Variants in CSMD1 observed in about 807,000 individuals in gnomAD.
The protein encoded by CSMD1 is CUB and Sushi multiple domains 1, also known as CUB and sushi domain-containing protein 1.
A neutral mutation model predicts 417.5 loss-of-function variants in CSMD1; 213 were observed. The observed-to-expected ratio is 0.51, with a 90% CI of 0.46 to 0.57. The LOEUF is 0.57. Ranked by LOEUF, CSMD1 falls within the 20% of genes least tolerant of loss-of-function variation. CSMD1 has a pLI of 0.00. For missense variants in CSMD1, 6,923 were observed against 4,529.7 expected, an observed-to-expected ratio of 1.53 and a Z score of -15.17; for synonymous variants, 2,862 against 1,736.8, an observed-to-expected ratio of 1.65 and a Z score of -16.11.
At chr8:4,470,105 C>T (rs1330421895) in intron 2 of CSMD1, among the ~76,000 whole-genome samples, 2 of 151,928 alleles carry the variant, frequency 1.3e-5, no homozygotes, top group Admixed American at 6.6e-5. Context: ...CTCCTGATCT[C>T]GTGATCCGCC....
chr8:4,724,117 G>A (rs552174858), intron 1 of CSMD1, among the ~76,000 whole-genome samples: 1 of 152,190 alleles, frequency 6.6e-6, no homozygotes, highest in South Asian at 2.1e-4. Flanking sequence ...TCATTTTCCT[G>A]TAAGACAACT....
chr8:3,146,542 G>C (rs971227091), intron 40 of CSMD1, among the ~76,000 whole-genome samples: 1 of 152,112 alleles, frequency 6.6e-6, no homozygotes, highest in Non-Finnish European at 1.5e-5. Context: ...TGCAATCATT[G>C]GTAGGACTAA....
chr8:3,531,491 T>A (rs184448495), intron 10 of CSMD1, among the ~76,000 whole-genome samples: 1 of 152,110 alleles, frequency 6.6e-6, no homozygotes, highest in Non-Finnish European at 1.5e-5. Flanking sequence ...TGTGAGATTA[T>A]TGAAATGCCC....
chr8:4,545,333 A>G (rs1156726416), intron 2 of CSMD1, among the ~76,000 whole-genome samples: 2 of 152,236 alleles, frequency 1.3e-5, no homozygotes, highest in African/African-American at 2.4e-5. Context: ...AAAGCCCTTC[A>G]TAAATATTTA....
At chr8:3,286,818 T>C (rs1254055706) in intron 25 of CSMD1, among the ~76,000 whole-genome samples, 1 of 152,200 alleles carries the variant, frequency 6.6e-6, no homozygotes, top group African/African-American at 2.4e-5. Flanking sequence ...GCAGAAGCTC[T>C]TTAGTTTATT....
At chr8:3,618,579 A>C (rs1464846887) in intron 7 of CSMD1, among the ~76,000 whole-genome samples, 1 of 152,156 alleles carries the variant, frequency 6.6e-6, no homozygotes, top group Admixed American at 6.6e-5. Flanking sequence ...TTATATCAAA[A>C]TAATCCAGCA....
At chr8:3,770,394 T>A (rs767928070) in intron 5 of CSMD1, among the ~76,000 whole-genome samples, 1 of 152,074 alleles carries the variant, frequency 6.6e-6, no homozygotes, top group Non-Finnish European at 1.5e-5. Flanking sequence ...CCAGGCACGG[T>A]GGTGCGTGCC....
At chr8:4,859,592 G>T (rs1335915911) in intron 1 of CSMD1, among the ~76,000 whole-genome samples, 1 of 152,018 alleles carries the variant, frequency 6.6e-6, no homozygotes, top group Non-Finnish European at 1.5e-5. Flanking sequence ...ATCAAAAAGT[G>T]GGCGAAGGAC....
chr8:3,128,404 ATC>A (rs1817621816), intron 41 of CSMD1: 1 of 155,120 alleles, frequency 6.4e-6, no homozygotes, highest in South Asian at 2.0e-4. Context: ...CTATAGTAAC[ATC>A]TCTGACCTTT....
intron 3 of CSMD1, among the ~76,000 whole-genome samples, chr8:4,067,735 G>C (rs570505043): frequency 1.3e-5 from 2 of 152,110 alleles, no homozygotes; most frequent in South Asian, 4.1e-4. Context: ...ATAAAGGAAC[G>C]TGTTATTCTT....
At chr8:4,310,375 T>C (rs1188755427) in intron 3 of CSMD1, among the ~76,000 whole-genome samples, 1 of 152,174 alleles carries the variant, frequency 6.6e-6, no homozygotes, top group East Asian at 1.9e-4. Context: ...ACAGACAGTG[T>C]TTCTCACAGC....
intron 1 of CSMD1, among the ~76,000 whole-genome samples, chr8:4,739,164 T>A (rs547412059): frequency 6.6e-6 from 1 of 152,198 alleles, no homozygotes; most frequent in South Asian, 2.1e-4. Context: ...TACTTCCTAA[T>A]AGCTCATTTT....
chr8:4,514,910 T>G (rs909970502), intron 2 of CSMD1, among the ~76,000 whole-genome samples: 3 of 152,010 alleles, frequency 2.0e-5, no homozygotes, highest in Non-Finnish European at 2.9e-5. Flanking sequence ...GAGAACAGAG[T>G]AAGCAATATG....
chr8:4,818,140 G>A (rs1446654254), intron 1 of CSMD1, among the ~76,000 whole-genome samples: 1 of 152,086 alleles, frequency 6.6e-6, no homozygotes, highest in Non-Finnish European at 1.5e-5. Flanking sequence ...TCGTAAAATT[G>A]CATAATTTAT....
chr8:4,885,360 T>C (rs1351814724), intron 1 of CSMD1, among the ~76,000 whole-genome samples: 6 of 152,108 alleles, frequency 3.9e-5, no homozygotes, highest in Admixed American at 2.0e-4. Context: ...CTAAAACCTC[T>C]AGCACAATGT....
rs112065683 is a variant in CSMD1 at position 3,669,483 on chromosome 8, A to G, written c.1009+38931T>C. On this transcript the variant is annotated intron_variant, in intron 7 of 69. Transcript: ENST00000635120. ...ATTCATTCAACATCAGTAATTAGAT[A>G]TCCTCTACTAAATATTGAGAATACA... Among the ~76,000 whole-genome samples, 191 of 152,284 alleles carry G rather than the reference A, an allele frequency of 1.3e-3. 2 individuals are homozygous for G. Among genetic ancestry groups the G allele is most frequent in the African/African-American group, 4.4e-3 (183 of 41,560 alleles).
At chr8:3,975,577 A>G (rs1253912886) in intron 5 of CSMD1, among the ~76,000 whole-genome samples, 1 of 152,142 alleles carries the variant, frequency 6.6e-6, no homozygotes, top group African/African-American at 2.4e-5. Context: ...TTTATCAGAG[A>G]GAAGCTGGGC....
At chr8:3,622,739 C>T (rs1160661935) in intron 7 of CSMD1, among the ~76,000 whole-genome samples, 1 of 152,040 alleles carries the variant, frequency 6.6e-6, no homozygotes, top group Non-Finnish European at 1.5e-5. Context: ...AAAAAGTATG[C>T]TGACACACTG....
chr8:3,207,017 C>G (rs1413993218), intron 30 of CSMD1, among the ~76,000 whole-genome samples: 2 of 152,124 alleles, frequency 1.3e-5, no homozygotes, highest in Non-Finnish European at 2.9e-5. Context: ...CTGGCTGTGG[C>G]CTGACTGCAC....
Sources: allele counts gnomAD v4.1 joint callset (sites outside exome capture counted in the v4.1 genomes callset), GRCh38; gene constraint gnomAD v4.1.1; transcripts MANE v1.5; gene names NCBI Gene and HGNC (gene_info 2026-07-23, HGNC 2026-07-21).